Variants in SCNN1B observed in about 807,000 individuals in gnomAD.
SCNN1B encodes the protein epithelial sodium channel subunit beta.
Under a neutral mutation model 65.3 loss-of-function variants are expected in SCNN1B, and 46 were observed. The ratio of observed to expected loss-of-function variants is 0.70; its 90% CI spans 0.56 to 0.90. The LOEUF is 0.90. Ranked by LOEUF, SCNN1B falls within the 40% of genes least tolerant of loss-of-function variation. SCNN1B has a pLI of 0.00. For synonymous variants in SCNN1B, 349 were observed against 330.6 expected (o/e 1.06, Z -0.60); for missense variants, 751 against 830.5 (o/e 0.90, Z 1.18).
chr16:23,296,442 C>T (rs1325573079), intron 2 of SCNN1B, among the ~76,000 whole-genome samples: 1 of 152,194 alleles, frequency 6.6e-6, no homozygotes, highest in East Asian at 1.9e-4. Context: ...CTACCCACCC[C>T]ACTCGAGGGC....
At chr16:23,371,601 C>A in intron 6 of SCNN1B, 139 bp downstream of exon 6, 1 of 1,076,586 alleles carries the variant, frequency 9.3e-7, no homozygotes, top group Non-Finnish European at 1.4e-6. Flanking sequence ...TGGAATCCCC[C>A]CAGGGTGGCC....
At position 23,378,753 on chromosome 16, in the gene SCNN1B, T is replaced by A; in HGVS notation, c.1452T>A (p.Asn484Lys). 1 of 1,613,924 alleles carries A rather than the reference T, an allele frequency of 6.2e-7. No homozygotes were observed. Among genetic ancestry groups the A allele is most frequent in the Non-Finnish European group, 8.5e-7 (1 of 1,179,962 alleles). The change falls in exon 11 of 13, where the codon AAT becomes AAA. Residue 484 changes from asparagine to lysine, a missense_variant. Transcript: ENST00000343070. ...CTCAGGAGCGGGACCAAAGCACCAATATCACCCTGAGCAGGTGAGCCTGAG... is the reference window on the plus strand; with the variant it reads ...CTCAGGAGCGGGACCAAAGCACCAAAATCACCCTGAGCAGGTGAGCCTGAG... ...VLSQERDQST[N>K]ITLSRKGIVK...
chr16:23,333,210 G>GAAGGAAGA (rs1567300646), intron 1 of SCNN1B, among the ~76,000 whole-genome samples: 8 of 86,148 alleles, frequency 9.3e-5, no homozygotes, highest in Admixed American at 2.1e-4. Flanking sequence ...AGGAAGGAAG[G>GAAGGAAGA]AAGAAAGAAA....
upstream of SCNN1B, among the ~76,000 whole-genome samples, chr16:23,300,392 T>C (rs1961058096): frequency 6.6e-6 from 1 of 152,174 alleles, no homozygotes; most frequent in Non-Finnish European, 1.5e-5. Flanking sequence ...TCAAGTTATA[T>C]GAAGCTGAAT....
chr16:23,304,305 A>T (rs1443891073), intron 1 of SCNN1B, among the ~76,000 whole-genome samples: 1 of 151,148 alleles, frequency 6.6e-6, no homozygotes, highest in Non-Finnish European at 1.5e-5. Context: ...ACACACAAGC[A>T]CACACGGGCA....
At chr16:23,327,566 A>G (rs1961722843) in intron 1 of SCNN1B, among the ~76,000 whole-genome samples, 1 of 151,770 alleles carries the variant, frequency 6.6e-6, no homozygotes, top group Non-Finnish European at 1.5e-5. Flanking sequence ...ATAACTAACC[A>G]TTTTTCTTAA....
chr16:23,352,446 G>A (rs758127693), intron 2 of SCNN1B, among the ~76,000 whole-genome samples: 6 of 152,158 alleles, frequency 3.9e-5, no homozygotes, highest in East Asian at 1.9e-4. Flanking sequence ...TAGATCATAC[G>A]GGCGGCTTTC....
At chr16:23,307,709 GGGTCTCA>G (rs1366176677) in intron 1 of SCNN1B, among the ~76,000 whole-genome samples, 2 of 152,142 alleles carry the variant, frequency 1.3e-5, no homozygotes, top group Non-Finnish European at 2.9e-5. Context: ...CTAAGCCAGT[GGGTCTCA>G]AAGTGTAGTC....
chr16:23,371,919 C>A, intron 7 of SCNN1B, 36 bp downstream of exon 7: 1 of 1,492,180 alleles, frequency 6.7e-7, no homozygotes, highest in Non-Finnish European at 9.4e-7. Context: ...CCCCGGGGCC[C>A]CTGTCCGGGT....
chr16:23,380,036 G>A lies in SCNN1B; in HGVS notation c.1467-58G>A. The A allele has an allele frequency of 7.9e-7, 1 of 1,266,372 alleles. No individual in the cohort carries two copies. The highest frequency in any genetic ancestry group is 1.2e-6 in the Non-Finnish European group (1 of 863,018). The allele number at this position is 1,266,372 out of a possible 1,614,324, so 78.4% of individuals were successfully genotyped here. A position where few individuals can be genotyped will look rare whatever the true frequency, so the allele number is the denominator to read the frequency against. The stretch of plus-strand genomic sequence containing the variant: ...CATGTGTCTATGTGCGTGTGTGTGT[G>A]TCTGTCTGTTTGGAAGGGGGATACA... On this transcript the variant is annotated intron_variant, in intron 11 of 12. Coordinates refer to ENST00000343070, the MANE Select transcript of SCNN1B (RefSeq NM_000336.3). This position sits in a 1 kb window ranked among gnomAD's most constrained non-coding sequence, Gnocchi z 5.4.
Position 23,371,337 on chromosome 16 carries a change from G to C in SCNN1B, c.919G>C (p.Val307Leu). 6.2e-7 allele frequency: 1 copy of C among 1,614,130 alleles called. No individual in the cohort carries two copies. The highest frequency in any genetic ancestry group is 8.5e-7 in the Non-Finnish European group (1 of 1,179,994). Residue 307 changes from valine to leucine, a missense_variant, in exon 6 of 13, where the codon GTC becomes CTC. Transcript: ENST00000343070. The part of the protein sequence containing the change: ...LILDIGQEDY[V>L]PFLASTAGVR... ...CCTGGACATAGGCCAGGAAGACTACGTCCCCTTCCTTGCGTCCACGGCCGG... is the reference window on the plus strand; with the variant it reads ...CCTGGACATAGGCCAGGAAGACTACCTCCCCTTCCTTGCGTCCACGGCCGG...
intron 1 of SCNN1B, among the ~76,000 whole-genome samples, chr16:23,282,039 C>G (rs1960791407): frequency 6.6e-6 from 1 of 151,872 alleles, no homozygotes; most frequent in African/African-American, 2.4e-5. Flanking sequence ...AGAAAAAATA[C>G]AAAAATTAGC....
At position 23,351,044 on chromosome 16, in the gene SCNN1B, C is replaced by G. The variant is rs1485478159; in HGVS notation, c.312-1757C>G. ...TCACTTGAAGCCAGGAGTTCAAGGT[C>G]AGCATGGCCAACATGGTGAGACAGC... On this transcript the variant is annotated intron_variant, in intron 2 of 12. Transcript: ENST00000343070. Among the ~76,000 whole-genome samples, 3 of 152,294 alleles carry G rather than the reference C, an allele frequency of 2.0e-5. No individual in the cohort carries two copies. In the East Asian group the frequency reaches 5.8e-4, roughly 29 times the overall value.
chr16:23,341,089 TA>T (rs542660167), intron 1 of SCNN1B, among the ~76,000 whole-genome samples: 65 of 152,336 alleles, frequency 4.3e-4, no homozygotes, highest in Non-Finnish European at 8.2e-4. Context: ...CTCTAGAGGT[TA>T]ATTGACATCT....
intron 1 of SCNN1B, among the ~76,000 whole-genome samples, chr16:23,313,242 A>C (rs1961381756): frequency 6.6e-6 from 1 of 152,130 alleles, no homozygotes; most frequent in African/African-American, 2.4e-5. Flanking sequence ...CTCATCCTCC[A>C]GTAAATTCCA....
chr16:23,313,333 G>T (rs968167600), intron 1 of SCNN1B, among the ~76,000 whole-genome samples: 9 of 152,158 alleles, frequency 5.9e-5, no homozygotes, highest in Non-Finnish European at 1.2e-4. Context: ...TGGTGGCTGG[G>T]CCTGAAATGG....
At chr16:23,340,916 GCA>G in intron 1 of SCNN1B, among the ~76,000 whole-genome samples, 1 of 150,278 alleles carries the variant, frequency 6.7e-6, no homozygotes, top group Non-Finnish European at 1.5e-5. Context: ...GTGTGTGTGT[GCA>G]TGTGTACACA....
At chr16:23,296,891 G>T (rs191481352) in intron 2 of SCNN1B, among the ~76,000 whole-genome samples, 2 of 151,656 alleles carry the variant, frequency 1.3e-5, no homozygotes, top group Non-Finnish European at 2.9e-5. Flanking sequence ...GGAGGCTGAG[G>T]CAGGGGAATC....
chr16:23,313,879 G>A (rs1961396684), intron 1 of SCNN1B, among the ~76,000 whole-genome samples: 1 of 152,138 alleles, frequency 6.6e-6, no homozygotes, highest in Non-Finnish European at 1.5e-5. Context: ...CAAAGTACTG[G>A]GATTACAGAC....
Sources: allele counts gnomAD v4.1 joint callset (sites outside exome capture counted in the v4.1 genomes callset), GRCh38; gene constraint gnomAD v4.1.1; non-coding constraint Gnocchi (gnomAD v3.1); transcripts MANE v1.5; gene names NCBI Gene and HGNC (gene_info 2026-07-23, HGNC 2026-07-21).